STRADB: variants seen among roughly 807,000 people sequenced by gnomAD.
STRADB encodes the protein STE20 related adaptor beta.
Under a neutral mutation model 52.1 loss-of-function variants are expected in STRADB, and 34 were observed. That is an observed-to-expected ratio of 0.65 (90% CI 0.50 to 0.87). STRADB has a LOEUF of 0.87. Ranked by LOEUF, STRADB falls within the 40% of genes least tolerant of loss-of-function variation. The probability of loss-of-function intolerance (pLI) is 0.00; values close to 1 mark genes in which losing one functional copy is unlikely to be tolerated. For synonymous variants in STRADB, 133 were observed against 174.5 expected, an observed-to-expected ratio of 0.76 and a Z score of 1.87; for missense variants, 340 against 483.9, an observed-to-expected ratio of 0.70 and a Z score of 2.79.
In STRADB at chr2:201,451,768, C is replaced by G. The variant is rs1007698067; in HGVS notation, c.-266C>G. On this transcript the variant is annotated 5_prime_UTR_variant, in exon 1 of 12. Coordinates refer to ENST00000194530, the MANE Select transcript of STRADB (RefSeq NM_018571.6). ...CCCAGCGGGTAGCCTGGGACTGGTG[C>G]AGAGTTCCAAGCCCACGGCCCCGGT... 1 of 151,984 alleles carries G rather than the reference C, an allele frequency of 6.6e-6. No individual in the cohort carries two copies. Among genetic ancestry groups the G allele is most frequent in the African/African-American group, 2.4e-5 (1 of 41,400 alleles). The allele number at this position is 151,984 out of a possible 1,614,324, so 9.4% of individuals were successfully genotyped here.
intron 6 of STRADB, among the ~76,000 whole-genome samples, chr2:201,475,389 A>G (rs1018267856): frequency 2.6e-5 from 4 of 152,154 alleles, no homozygotes; most frequent in African/African-American, 9.7e-5. Context: ...TTTTTATTCA[A>G]TAATATTGAC....
At chr2:201,475,254 G>A (rs563363319) in intron 6 of STRADB, among the ~76,000 whole-genome samples, 1 of 152,184 alleles carries the variant, frequency 6.6e-6, no homozygotes, top group South Asian at 2.1e-4. Context: ...GCACAAAGTA[G>A]TGTTCAATAA....
intron 6 of STRADB, 61 bp from the exon 7 acceptor site, chr2:201,475,558 A>C: frequency 6.2e-7 from 1 of 1,606,980 alleles, no homozygotes; most frequent in Non-Finnish European, 8.5e-7. Context: ...GAACATTAAA[A>C]TACAGCTGGA....
chr2:201,458,740 C>T (rs878911624), intron 2 of STRADB, 44 bp from the exon 3 acceptor site: 2 of 1,575,270 alleles, frequency 1.3e-6, no homozygotes, highest in South Asian at 2.2e-5. Context: ...CCTGCTTATC[C>T]TGTAACTTAT....
chr2:201,463,995 G>C (rs193291884), intron 3 of STRADB, among the ~76,000 whole-genome samples: 54 of 152,116 alleles, frequency 3.5e-4, no homozygotes, highest in African/African-American at 1.3e-3. Flanking sequence ...GTGTTATCTT[G>C]AAATTTGTTG....
At chr2:201,470,792 T>C (rs1303950024) in intron 4 of STRADB, among the ~76,000 whole-genome samples, 1 of 152,044 alleles carries the variant, frequency 6.6e-6, no homozygotes, top group East Asian at 1.9e-4. Context: ...TGAGGAAGAG[T>C]TTGCTAGATA....
At chr2:201,461,725 CT>C (rs537874976) in intron 3 of STRADB, among the ~76,000 whole-genome samples, 118 of 152,220 alleles carry the variant, frequency 7.8e-4, no homozygotes, top group African/African-American at 2.7e-3. Flanking sequence ...ATTGCCTCTA[CT>C]TTTGGGGTAT....
chr2:201,474,514 AATAG>A, intron 5 of STRADB, 129 bp from the exon 6 acceptor site: 1 of 633,442 alleles, frequency 1.6e-6, no homozygotes, highest in Non-Finnish European at 2.7e-6. Context: ...GTGAGATTTA[AATAG>A]ATAAAAGCAC....
At chr2:201,467,032 C>G (rs1435065709) in intron 3 of STRADB, among the ~76,000 whole-genome samples, 2 of 152,150 alleles carry the variant, frequency 1.3e-5, no homozygotes, top group Non-Finnish European at 2.9e-5. Context: ...TCCTCAGCCT[C>G]TTAGGATCAT....
At chr2:201,479,421 A>T (rs1382076494) in intron 10 of STRADB, 68 bp from the exon 11 acceptor site, 5 of 1,444,694 alleles carry the variant, frequency 3.5e-6, no homozygotes, top group Non-Finnish European at 4.7e-6. Context: ...TTTCTAACAT[A>T]TTTTTACACC....
At chr2:201,473,168 TA>T in intron 5 of STRADB, 92 bp downstream of exon 5, 3 of 1,103,084 alleles carry the variant, frequency 2.7e-6, no homozygotes, top group Non-Finnish European at 3.7e-6. Flanking sequence ...AGAAAATATA[TA>T]TTTTAAAATA....
chr2:201,470,267 T>C (rs957765825), intron 4 of STRADB, among the ~76,000 whole-genome samples: 6 of 152,238 alleles, frequency 3.9e-5, no homozygotes, highest in Non-Finnish European at 7.3e-5. Flanking sequence ...TACTTTTCCA[T>C]TGAAGTACAT....
chr2:201,458,727 A>C, intron 2 of STRADB, 57 bp from the exon 3 acceptor site: 2 of 1,506,796 alleles, frequency 1.3e-6, no homozygotes, highest in Non-Finnish European at 1.8e-6. Flanking sequence ...TCTACATACC[A>C]CCCCTGCTTA....
intron 8 of STRADB, 118 bp downstream of exon 8, chr2:201,477,908 CTCTT>C (rs1952505081): frequency 7.6e-7 from 1 of 1,320,014 alleles, no homozygotes; most frequent in Admixed American, 2.2e-5. Context: ...GACTTTATTT[CTCTT>C]TCTTGTCAAA....
chr2:201,458,008 A>G (rs1952153419), intron 2 of STRADB, among the ~76,000 whole-genome samples: 1 of 152,080 alleles, frequency 6.6e-6, no homozygotes, highest in Admixed American at 6.6e-5. Context: ...TGGGTGACAG[A>G]CTGAGACTCC....
chr2:201,471,599 C>A (rs1013066305), intron 4 of STRADB, among the ~76,000 whole-genome samples: 6 of 152,172 alleles, frequency 3.9e-5, no homozygotes, highest in Admixed American at 6.6e-5. Flanking sequence ...GAAACCAGAT[C>A]TTTCTGACTG....
chr2:201,465,994 T>C (rs1952296922), intron 3 of STRADB, among the ~76,000 whole-genome samples: 2 of 152,242 alleles, frequency 1.3e-5, no homozygotes, highest in Non-Finnish European at 2.9e-5. Context: ...CCCTGCTCAG[T>C]GCCTCTTTCA....
At chr2:201,476,433 T>A (rs1952473395) in intron 7 of STRADB, among the ~76,000 whole-genome samples, 1 of 151,810 alleles carries the variant, frequency 6.6e-6, no homozygotes, top group Non-Finnish European at 1.5e-5. Context: ...TAACTGAGGT[T>A]TCATTATATG....
intron 3 of STRADB, among the ~76,000 whole-genome samples, chr2:201,468,387 T>C (rs981598279): frequency 6.6e-6 from 1 of 152,214 alleles, no homozygotes; most frequent in African/African-American, 2.4e-5. Context: ...TCTCTGACTT[T>C]GCTGGGCAAC....
Sources: gnomAD v4.1 joint callset for allele counts (sites outside exome capture counted in the v4.1 genomes callset) on GRCh38, gnomAD v4.1.1 for gene constraint, MANE v1.5 for transcripts, NCBI Gene and HGNC (gene_info 2026-07-23, HGNC 2026-07-21) for gene names.